Variants in CNGB3 observed in about 807,000 individuals in gnomAD.
CNGB3 encodes cyclic nucleotide-gated channel beta-3.
In CNGB3, 86 loss-of-function variants were observed where a neutral mutation model predicts 92.8. The ratio of observed to expected loss-of-function variants is 0.93; its 90% confidence interval spans 0.78 to 1.11. The LOEUF (loss-of-function observed/expected upper bound fraction) is 1.11. Ranked by LOEUF, CNGB3 falls within the 50% of genes least tolerant of loss-of-function variation. CNGB3 has a pLI of 0.00. For synonymous variants in CNGB3, 333 were observed against 332.7 expected (o/e 1.00, Z -0.01); for missense variants, 1,026 against 956.8 (o/e 1.07, Z -0.95).
chr8:86,659,566 C>T (rs1823590385), intron 6 of CNGB3: 2 of 565,202 alleles, frequency 3.5e-6, no homozygotes, highest in Non-Finnish European at 6.8e-6. Flanking sequence ...GTATTTGTGT[C>T]TTCTTCTGCT....
intron 3 of CNGB3, among the ~76,000 whole-genome samples, chr8:86,714,280 C>A (rs78324180): frequency 6.6e-6 from 1 of 152,044 alleles, no homozygotes; most frequent in African/African-American, 2.4e-5. Flanking sequence ...GTGTACAGTG[C>A]GTACCCTTTT....
chr8:86,660,189 T>A, intron 6 of CNGB3: 1 of 294,244 alleles, frequency 3.4e-6, no homozygotes, highest in Non-Finnish European at 7.0e-6. Flanking sequence ...CATTTTCTCC[T>A]TTTTTGCTCT....
At chr8:86,579,973 A>G (rs911346123) in intron 15 of CNGB3, among the ~76,000 whole-genome samples, 2 of 152,204 alleles carry the variant, frequency 1.3e-5, no homozygotes, top group Non-Finnish European at 2.9e-5. Flanking sequence ...TGCTATAAAG[A>G]TACTACCTGA....
chr8:86,729,829 G>A (rs1055288484), intron 2 of CNGB3, among the ~76,000 whole-genome samples: 3 of 152,268 alleles, frequency 2.0e-5, no homozygotes, highest in African/African-American at 7.2e-5. Flanking sequence ...TGTTGTCAAC[G>A]GCACATTGTG....
intron 11 of CNGB3, among the ~76,000 whole-genome samples, chr8:86,631,491 C>T (rs948221124): frequency 1.3e-5 from 2 of 152,146 alleles, no homozygotes; most frequent in South Asian, 2.1e-4. Context: ...TCTCTTTAAA[C>T]TGGAGTTTTC....
chr8:86,670,328 T>C (rs1286163502), intron 4 of CNGB3, among the ~76,000 whole-genome samples: 3 of 152,216 alleles, frequency 2.0e-5, no homozygotes, highest in African/African-American at 7.2e-5. Context: ...TAAAATTTGT[T>C]ATAGAAGATA....
intron 3 of CNGB3, among the ~76,000 whole-genome samples, chr8:86,698,209 A>G (rs1409320825): frequency 6.6e-6 from 1 of 152,232 alleles, no homozygotes; most frequent in African/African-American, 2.4e-5. Flanking sequence ...TGTATACAGC[A>G]GATTCAAGTT....
intron 3 of CNGB3, among the ~76,000 whole-genome samples, chr8:86,680,982 C>A (rs149473073): frequency 6.6e-6 from 1 of 152,088 alleles, no homozygotes; most frequent in Non-Finnish European, 1.5e-5. Context: ...CCAAGGTAAA[C>A]GGCTCCTACG....
intron 13 of CNGB3, among the ~76,000 whole-genome samples, chr8:86,612,019 A>G (rs541756022): frequency 8.5e-5 from 13 of 152,284 alleles, no homozygotes; most frequent in East Asian, 1.9e-4. Flanking sequence ...TATTAATGAT[A>G]ATATACTAAT....
At chr8:86,626,931 T>TA (rs533035564) in intron 12 of CNGB3, among the ~76,000 whole-genome samples, 21 of 152,170 alleles carry the variant, frequency 1.4e-4, no homozygotes, top group Admixed American at 5.2e-4. Context: ...GGATTTGTTA[T>TA]AGAGATTATT....
At chr8:86,606,313 G>A (rs567219244) in intron 14 of CNGB3, among the ~76,000 whole-genome samples, 2 of 151,910 alleles carry the variant, frequency 1.3e-5, no homozygotes, top group African/African-American at 2.4e-5. Context: ...ACCATGCCTG[G>A]CTAATTTTTG....
intron 13 of CNGB3, among the ~76,000 whole-genome samples, chr8:86,616,485 T>C (rs905037670): frequency 1.3e-5 from 2 of 152,156 alleles, no homozygotes; most frequent in African/African-American, 4.8e-5. Flanking sequence ...GATTATTTTC[T>C]TGAGATATAC....
chr8:86,647,360 C>T (rs1173858118), intron 8 of CNGB3, among the ~76,000 whole-genome samples: 2 of 150,618 alleles, frequency 1.3e-5, no homozygotes, highest in Non-Finnish European at 3.0e-5. Context: ...AGTATGTTTA[C>T]ATTTTTTTTT....
chr8:86,611,712 G>C (rs761000282), intron 13 of CNGB3, 41 bp from the exon 14 acceptor site: 1 of 1,342,594 alleles, frequency 7.4e-7, no homozygotes, highest in Non-Finnish European at 1.1e-6. Context: ...AACAACTAAA[G>C]GCCAATATTC....
At chr8:86,657,854 C>A in intron 6 of CNGB3, 2 of 533,170 alleles carry the variant, frequency 3.8e-6, no homozygotes, top group South Asian at 1.4e-5. Context: ...AGCTCTGGTA[C>A]AGTGTGATGT....
At chr8:86,645,486 A>T (rs1034160201) in intron 8 of CNGB3, among the ~76,000 whole-genome samples, 3 of 151,238 alleles carry the variant, frequency 2.0e-5, no homozygotes, top group Non-Finnish European at 4.5e-5. Context: ...ATCAATAAGA[A>T]AAGATGCCCC....
intron 1 of CNGB3, among the ~76,000 whole-genome samples, chr8:86,742,664 C>T (rs1013394739): frequency 3.3e-5 from 5 of 152,036 alleles, no homozygotes; most frequent in Non-Finnish European, 5.9e-5. Flanking sequence ...GAGTAATTCA[C>T]GAAAATTATT....
intron 3 of CNGB3, among the ~76,000 whole-genome samples, chr8:86,677,306 T>C (rs1395809766): frequency 6.6e-6 from 1 of 152,178 alleles, no homozygotes; most frequent in Non-Finnish European, 1.5e-5. Flanking sequence ...TATGATAACA[T>C]ATGGACAACT....
At chr8:86,640,223 T>C (rs1823154567) in intron 10 of CNGB3, among the ~76,000 whole-genome samples, 1 of 152,098 alleles carries the variant, frequency 6.6e-6, no homozygotes, top group Non-Finnish European at 1.5e-5. Flanking sequence ...CTTTGAATGA[T>C]TGTAAGTATT....
Sources: allele counts gnomAD v4.1 joint callset (sites outside exome capture counted in the v4.1 genomes callset), GRCh38; gene constraint gnomAD v4.1.1; transcripts MANE v1.5; gene names NCBI Gene and HGNC (gene_info 2026-07-23, HGNC 2026-07-21).